ATP8A2: variants seen among roughly 807,000 people sequenced by gnomAD.
The protein encoded by ATP8A2 is phospholipid-transporting ATPase IB.
In ATP8A2, 100 loss-of-function variants were observed where a neutral mutation model predicts 165.6. That is an observed-to-expected ratio of 0.60 (90% CI 0.51 to 0.71). The LOEUF (loss-of-function observed/expected upper bound fraction) is 0.71. ATP8A2 is among the 30% of genes least tolerant of loss of function. The pLI is 0.00. For missense variants in ATP8A2, 1,227 were observed against 1,479.5 expected, an observed-to-expected ratio of 0.83 and a Z score of 2.80; for synonymous variants, 543 against 548.8, an observed-to-expected ratio of 0.99 and a Z score of 0.15.
intron 33 of ATP8A2, among the ~76,000 whole-genome samples, chr13:25,879,757 G>A (rs1952923477): frequency 6.6e-6 from 1 of 152,172 alleles, no homozygotes; most frequent in Non-Finnish European, 1.5e-5. Context: ...GACAGTCCTG[G>A]CGATACCCAC....
chr13:25,910,130 T>C (rs1418770114), intron 33 of ATP8A2, among the ~76,000 whole-genome samples: 1 of 152,244 alleles, frequency 6.6e-6, no homozygotes, highest in Non-Finnish European at 1.5e-5. Flanking sequence ...TGGCATTGAT[T>C]AATTTTGAAA....
intron 25 of ATP8A2, among the ~76,000 whole-genome samples, chr13:25,702,063 T>A (rs1043780403): frequency 2.0e-5 from 3 of 152,238 alleles, no homozygotes; most frequent in African/African-American, 7.2e-5. Context: ...CAGATGTACT[T>A]ACTATTCATT....
chr13:25,782,864 C>T (rs141147927), intron 27 of ATP8A2, among the ~76,000 whole-genome samples: 2,404 of 152,118 alleles, frequency 0.016, 70 homozygotes, highest in African/African-American at 0.054. Context: ...CTCAGCCTCC[C>T]GAGTAGCTGG....
intron 33 of ATP8A2, among the ~76,000 whole-genome samples, chr13:25,957,759 TC>T (rs1486076859): frequency 6.6e-6 from 1 of 152,180 alleles, no homozygotes; most frequent in East Asian, 1.9e-4. Context: ...GCAATTCCAT[TC>T]CTGGGTATAT....
intron 33 of ATP8A2, among the ~76,000 whole-genome samples, chr13:25,922,112 G>A (rs1418275259): frequency 2.0e-5 from 3 of 152,200 alleles, no homozygotes; most frequent in Admixed American, 6.5e-5. Flanking sequence ...GAATAAGGAC[G>A]TGGAATTGTA....
Position 25,842,086 on chromosome 13 carries a change from T to C in ATP8A2, c.2956+2462T>C, listed in dbSNP as rs529674320. Among the ~76,000 whole-genome samples, 57 of 152,298 alleles carry C rather than the reference T, an allele frequency of 3.7e-4. No individual in the cohort carries two copies. In the East Asian group the frequency reaches 0.011, roughly 29 times the overall value. Reference sequence around the variant, plus strand: ...CGGGCTGCATTCAAACCAGAGCAGATTTGCAAATGAATAACTCCAGTACAA... The same window carrying C: ...CGGGCTGCATTCAAACCAGAGCAGACTTGCAAATGAATAACTCCAGTACAA... On this transcript the variant is annotated intron_variant, in intron 30 of 36. Transcript: ENST00000381655.
rs145006204 is a variant in ATP8A2, at chr13:25,379,054, C to A, written c.76+6766C>A. 2.0e-5 allele frequency among the ~76,000 whole-genome samples: 3 copies of A among 152,214 alleles called. No individual in the cohort carries two copies. In the East Asian group the frequency reaches 5.8e-4, roughly 29 times the overall value. ...AAATACTCCAGATAGGAGAAATATT[C>A]TTTTCTTTTCTCCTCTTTTGCAGAG... On this transcript the variant is annotated intron_variant, in intron 1 of 36. Transcript: ENST00000381655.
At chr13:25,782,865 G>A (rs1054085199) in intron 27 of ATP8A2, among the ~76,000 whole-genome samples, 1 of 151,684 alleles carries the variant, frequency 6.6e-6, no homozygotes, top group African/African-American at 2.4e-5. Context: ...TCAGCCTCCC[G>A]AGTAGCTGGG....
intron 25 of ATP8A2, among the ~76,000 whole-genome samples, chr13:25,708,050 T>C (rs866359307): frequency 1.3e-5 from 2 of 152,200 alleles, no homozygotes; most frequent in African/African-American, 4.8e-5. Flanking sequence ...CTTTTTTTCC[T>C]TTCCCCTTTT....
intron 2 of ATP8A2, among the ~76,000 whole-genome samples, chr13:25,483,660 GGAGGCCAA>G (rs2137598448): frequency 6.6e-6 from 1 of 152,290 alleles, no homozygotes; most frequent in African/African-American, 2.4e-5. Flanking sequence ...CAGCACTTTG[GGAGGCCAA>G]GGCAGGAAGA....
chr13:25,668,569 T>C (rs1289996464), intron 24 of ATP8A2, among the ~76,000 whole-genome samples: 1 of 152,214 alleles, frequency 6.6e-6, no homozygotes, highest in Non-Finnish European at 1.5e-5. Context: ...TTCATGTCTT[T>C]CATCAAATTT....
At chr13:25,669,511 C>A (rs7999506) in intron 24 of ATP8A2, among the ~76,000 whole-genome samples, 54,958 of 152,160 alleles carry the variant, frequency 0.36, 10,786 homozygotes, top group Middle Eastern at 0.46. Context: ...TGTGCAGAAC[C>A]CACAGATCCA....
chr13:25,502,857 A>C (rs1481124249), intron 2 of ATP8A2, among the ~76,000 whole-genome samples: 1 of 152,142 alleles, frequency 6.6e-6, no homozygotes, highest in Admixed American at 6.5e-5. Flanking sequence ...TTTCTAGTAC[A>C]ATCGTGTGTA....
intron 6 of ATP8A2, among the ~76,000 whole-genome samples, chr13:25,534,782 G>A (rs2038223198): frequency 6.6e-6 from 1 of 152,228 alleles, no homozygotes; most frequent in African/African-American, 2.4e-5. Context: ...CCCTTAAGGA[G>A]TTTCAAACTT....
intron 35 of ATP8A2, among the ~76,000 whole-genome samples, chr13:25,986,953 A>G (rs972831097): frequency 6.6e-6 from 1 of 152,232 alleles, no homozygotes; most frequent in Admixed American, 6.5e-5. Context: ...GAGGAACTAC[A>G]GTGATCAAAC....
intron 35 of ATP8A2, among the ~76,000 whole-genome samples, chr13:26,004,857 T>A (rs901755582): frequency 6.6e-6 from 1 of 152,104 alleles, no homozygotes; most frequent in Non-Finnish European, 1.5e-5. Flanking sequence ...TGGTGAATGA[T>A]TCTTTCAATG....
chr13:25,537,655 T>C (rs2137965739), intron 6 of ATP8A2, among the ~76,000 whole-genome samples: 1 of 152,316 alleles, frequency 6.6e-6, no homozygotes, highest in Non-Finnish European at 1.5e-5. Flanking sequence ...TCTACCCTAC[T>C]GTATACAGCT....
intron 2 of ATP8A2, among the ~76,000 whole-genome samples, chr13:25,469,776 T>C (rs1223784472): frequency 3.3e-5 from 5 of 152,218 alleles, no homozygotes; most frequent in Non-Finnish European, 7.3e-5. Flanking sequence ...GTACCTATAG[T>C]CATACAGCTC....
chr13:25,480,215 G>T (rs2036129648), intron 2 of ATP8A2, among the ~76,000 whole-genome samples: 1 of 151,094 alleles, frequency 6.6e-6, no homozygotes, highest in Non-Finnish European at 1.5e-5. Context: ...GCCGGGCAGA[G>T]GGGCTCCTCA....
Sources: allele counts gnomAD v4.1 joint callset (sites outside exome capture counted in the v4.1 genomes callset), GRCh38; gene constraint gnomAD v4.1.1; transcripts MANE v1.5; gene names NCBI Gene and HGNC (gene_info 2026-07-23, HGNC 2026-07-21).